FSTL1: variants seen among roughly 807,000 people sequenced by gnomAD.
FSTL1 encodes follistatin like 1, also known as follistatin-related protein 1.
Under a neutral mutation model 45.9 loss-of-function variants are expected in FSTL1, and 24 were observed. The ratio of observed to expected loss-of-function variants is 0.52; its 90% CI spans 0.38 to 0.74. The LOEUF is 0.74. FSTL1 is among the 30% of genes least tolerant of loss of function. The probability of loss-of-function intolerance (pLI) is 0.00; values close to 1 mark genes in which losing one functional copy is unlikely to be tolerated. For missense variants in FSTL1, 340 were observed against 381.8 expected (o/e 0.89, Z 0.91); for synonymous variants, 120 against 137.6 (o/e 0.87, Z 0.89).
rs563886697 is a variant in FSTL1 at position 120,447,558 on chromosome 3, A to G, written c.63+3126T>C. Among the ~76,000 whole-genome samples the G allele has an allele frequency of 3.3e-5, 5 of 152,348 alleles. No individual in the cohort carries two copies. In the South Asian group the frequency reaches 1.0e-3, roughly 32 times the overall value. ...GTAAGAGAGTGAGCAGGTAAGAAAG[A>G]GAAGAAGCAATCAGAAAGCAACCCT... On this transcript the variant is annotated intron_variant, in intron 2 of 10. Transcript: ENST00000295633.
chr3:120,444,917 T>C (rs1000952404), intron 2 of FSTL1, among the ~76,000 whole-genome samples: 5 of 150,042 alleles, frequency 3.3e-5, no homozygotes, highest in Middle Eastern at 6.8e-3. Context: ...TGGTGGCACA[T>C]ACAGCTGTTC....
intron 4 of FSTL1, chr3:120,411,254 G>A: frequency 5.7e-6 from 2 of 353,332 alleles, no homozygotes; most frequent in South Asian, 6.5e-5. Flanking sequence ...CTGGGATTTT[G>A]AGAATTCAAA....
intron 2 of FSTL1, among the ~76,000 whole-genome samples, chr3:120,428,289 AC>A (rs1269145531): frequency 6.6e-6 from 1 of 152,206 alleles, no homozygotes; most frequent in Admixed American, 6.5e-5. Context: ...TGGATTGGGC[AC>A]ATTAGTAAGA....
Position 120,395,173 on chromosome 3 carries a change from C to A in FSTL1, c.*1779G>T, listed in dbSNP as rs1576203046. The A allele has an allele frequency of 6.5e-6, 1 of 153,778 alleles. No individual in the cohort carries two copies. Among genetic ancestry groups the A allele is most frequent in the African/African-American group, 2.4e-5 (1 of 41,442 alleles). 9.5% of individuals were successfully genotyped at this position (153,778 alleles called of 1,614,324 possible). A position where few individuals can be genotyped will look rare whatever the true frequency, so the allele number is the denominator to read the frequency against. ...AGAACAAGAAAAACTAGAAGGAATT[C>A]TATTTTTGGCACAACAGTTTCTCAC... is the stretch of plus-strand genomic sequence containing the variant. On this transcript the variant is annotated 3_prime_UTR_variant, in exon 11 of 11. Coordinates refer to ENST00000295633, the MANE Select transcript of FSTL1 (RefSeq NM_007085.5).
At chr3:120,399,496 T>A (rs1936772816) in intron 10 of FSTL1, among the ~76,000 whole-genome samples, 4 of 152,178 alleles carry the variant, frequency 2.6e-5, no homozygotes. Flanking sequence ...GGTACAATGA[T>A]GAGCAAGTTA....
chr3:120,433,152 C>T (rs1188133972), intron 2 of FSTL1, among the ~76,000 whole-genome samples: 1 of 152,212 alleles, frequency 6.6e-6, no homozygotes, highest in Non-Finnish European at 1.5e-5. Context: ...ACATTAGCTT[C>T]CTCTGGGAAT....
At chr3:120,408,545 G>T (rs1936990454) in intron 6 of FSTL1, among the ~76,000 whole-genome samples, 1 of 152,210 alleles carries the variant, frequency 6.6e-6, no homozygotes, top group Middle Eastern at 3.2e-3. Flanking sequence ...GCCAAGAAAA[G>T]TCCTTCATGT....
intron 2 of FSTL1, among the ~76,000 whole-genome samples, chr3:120,441,559 G>A (rs983036493): frequency 5.9e-5 from 9 of 152,214 alleles, no homozygotes; most frequent in Non-Finnish European, 1.2e-4. Flanking sequence ...TAAAAAAGAA[G>A]GTGATAATTA....
intron 3 of FSTL1, among the ~76,000 whole-genome samples, chr3:120,414,134 C>T (rs893502918): frequency 5.9e-5 from 9 of 152,084 alleles, no homozygotes; most frequent in Admixed American, 3.9e-4. Flanking sequence ...CTCGCTACAA[C>T]CTCCACCTCC....
At position 120,399,907 on chromosome 3, in the gene FSTL1, A is replaced by G. The variant is rs145080646; in HGVS notation, c.858T>C (p.Tyr286=). The G allele has an allele frequency of 3.7e-6, 6 of 1,608,126 alleles. No homozygotes were observed. Among genetic ancestry groups the G allele is most frequent in the Non-Finnish European group, 3.4e-6 (4 of 1,177,148 alleles). ...QTQTEEEMTR[Y]VQELQKHQET... is the part of the protein sequence containing the mutation. ...CCTGATGCTTTTGGAGCTCCTGGACATATCTGGTCATCTCCTCCTCTGTCT... is the reference window on the plus strand; with the variant it reads ...CCTGATGCTTTTGGAGCTCCTGGACGTATCTGGTCATCTCCTCCTCTGTCT... Residue 286 remains tyrosine, a synonymous_variant, in exon 10 of 11, where the codon TAT becomes TAC. Transcript: ENST00000295633.
At chr3:120,411,283 A>G (rs1937044924) in intron 4 of FSTL1, 2 of 303,516 alleles carry the variant, frequency 6.6e-6, no homozygotes, top group South Asian at 3.9e-5. Context: ...CATTCTGGAC[A>G]GGGAATGGAG....
rs547504145 is a variant in FSTL1, at chr3:120,404,710, T to C, written c.581+143A>G. The C allele has an allele frequency of 7.5e-6, 5 of 663,222 alleles. No individual in the cohort carries two copies. In the East Asian group the frequency reaches 1.0e-4, roughly 13 times the overall value. The allele number at this position is 663,222 out of a possible 1,614,324, so 41.1% of individuals were successfully genotyped here. ...TATATTAATTCATACTTTCATAGAA[T>C]AGAACAGGACAGAATTCCCATTTTG... On this transcript the variant is annotated intron_variant, in intron 7 of 10. Transcript: ENST00000295633.
At chr3:120,432,730 C>A (rs1937500545) in intron 2 of FSTL1, among the ~76,000 whole-genome samples, 1 of 152,180 alleles carries the variant, frequency 6.6e-6, no homozygotes, top group Non-Finnish European at 1.5e-5. Context: ...TTTGGGGTCA[C>A]CCTGAGGAAC....
chr3:120,402,996 T>C (rs1387250870), intron 8 of FSTL1, 78 bp from the exon 9 acceptor site: 2 of 963,142 alleles, frequency 2.1e-6, no homozygotes, highest in Non-Finnish European at 3.4e-6. Flanking sequence ...CTGTGCACCT[T>C]ACCCTTTTTT....
intron 2 of FSTL1, chr3:120,438,556 C>T (rs1203839166): frequency 6.6e-6 from 1 of 152,224 alleles, no homozygotes; most frequent in Non-Finnish European, 1.5e-5. Flanking sequence ...AACTGTTCTT[C>T]ACTAGGCTGT....
intron 2 of FSTL1, among the ~76,000 whole-genome samples, chr3:120,437,350 T>C (rs886890011): frequency 6.6e-6 from 1 of 152,220 alleles, no homozygotes; most frequent in Non-Finnish European, 1.5e-5. Context: ...CATGCACTTA[T>C]TAAATTCATT....
At chr3:120,412,848 A>G (rs972970613) in intron 3 of FSTL1, among the ~76,000 whole-genome samples, 21 of 150,516 alleles carry the variant, frequency 1.4e-4, no homozygotes, top group East Asian at 6.1e-4. Context: ...GCACACACAC[A>G]CACACACACA....
chr3:120,409,476 G>A lies in FSTL1; in HGVS notation c.462+56C>T, dbSNP rs1937008175. The A allele has an allele frequency of 2.6e-6, 4 of 1,521,818 alleles. No individual in the cohort carries two copies. The East Asian group carries it at 6.8e-5, about 26-fold the overall frequency. 94.3% of individuals were successfully genotyped at this position (1,521,818 alleles called of 1,614,324 possible). A position where few individuals can be genotyped will look rare whatever the true frequency, so the allele number is the denominator to read the frequency against. Reference sequence around the variant, plus strand: ...GGGAAGGTGTGATCGGGCAATGGGAGGAGGAAGCTTCCCTTTCTATGGGCC... The same window carrying A: ...GGGAAGGTGTGATCGGGCAATGGGAAGAGGAAGCTTCCCTTTCTATGGGCC... On this transcript the variant is annotated intron_variant, in intron 6 of 10. Transcript: ENST00000295633.
chr3:120,445,770 A>T (rs972708886), intron 2 of FSTL1, among the ~76,000 whole-genome samples: 3 of 149,846 alleles, frequency 2.0e-5, no homozygotes, highest in Admixed American at 2.0e-4. Context: ...AAGCACCTGG[A>T]CCCACCACTA....
Sources: gnomAD v4.1 joint callset for allele counts (sites outside exome capture counted in the v4.1 genomes callset) on GRCh38, gnomAD v4.1.1 for gene constraint, MANE v1.5 for transcripts, NCBI Gene and HGNC (gene_info 2026-07-23, HGNC 2026-07-21) for gene names.